PLCG2: variants seen among roughly 807,000 people sequenced by gnomAD.
PLCG2 encodes phospholipase C gamma 2.
PLCG2 carries 69 observed loss-of-function variants against 175.6 expected under a neutral mutation model. The observed-to-expected ratio is 0.39, with a 90% CI of 0.32 to 0.48. The LOEUF (loss-of-function observed/expected upper bound fraction) is 0.48. Among genes scored for constraint, PLCG2 ranks in the 20% least tolerant of loss-of-function variants. The probability of loss-of-function intolerance (pLI) is 0.91; values close to 1 mark genes in which losing one functional copy is unlikely to be tolerated. For missense variants in PLCG2, 1,798 were observed against 1,650.9 expected (o/e 1.09, Z -1.54); for synonymous variants, 827 against 624.0 (o/e 1.33, Z -4.85).
At chr16:81,954,856 G>C (rs981044361) in intron 31 of PLCG2, among the ~76,000 whole-genome samples, 1 of 152,186 alleles carries the variant, frequency 6.6e-6, no homozygotes, top group Non-Finnish European at 1.5e-5. Flanking sequence ...TACATACCCA[G>C]TAATGGGATT....
Position 81,958,842 on chromosome 16 carries a change from G to C in PLCG2, c.*844G>C, listed in dbSNP as rs185667569. ...TTGGTCCACAGCTCTCCACAGGCAA[G>C]AGGTCAACTGCTGCTTGAAAGAGGT... is the stretch of plus-strand genomic sequence containing the variant. On this transcript the variant is annotated 3_prime_UTR_variant, in exon 33 of 33. Coordinates refer to ENST00000564138, the MANE Select transcript of PLCG2 (RefSeq NM_002661.5). The C allele has an allele frequency of 4.5e-6, 1 of 221,498 alleles. No individual in the cohort carries two copies. The highest frequency in any genetic ancestry group is 9.0e-6 in the Non-Finnish European group (1 of 110,712). 13.7% of individuals were successfully genotyped at this position (221,498 alleles called of 1,614,324 possible).
intron 32 of PLCG2, 116 bp downstream of exon 32, chr16:81,956,995 TGGCCGGGCATGGTGGCTCACA>T (rs1911598697): frequency 1.2e-6 from 1 of 820,886 alleles, no homozygotes; most frequent in Admixed American, 2.6e-5. Context: ...CAGAAATCCT[TGGCCGGGCATGGTGGCTCACA>T]GGCCAGGCAT....
At chr16:81,888,903 A>G (rs1287061887) in intron 9 of PLCG2, among the ~76,000 whole-genome samples, 2 of 152,204 alleles carry the variant, frequency 1.3e-5, no homozygotes, top group African/African-American at 2.4e-5. Context: ...TGCTTTTGCA[A>G]CACAACAGCG....
chr16:81,916,181 A>G (rs1315742297), intron 19 of PLCG2, among the ~76,000 whole-genome samples: 1 of 152,166 alleles, frequency 6.6e-6, no homozygotes, highest in East Asian at 1.9e-4. Flanking sequence ...ATCACTGGAA[A>G]TAAACCACTG....
At chr16:81,785,886 T>G in intron 1 of PLCG2, 57 bp from the exon 2 acceptor site, 1 of 1,090,902 alleles carries the variant, frequency 9.2e-7, no homozygotes, top group Non-Finnish European at 1.3e-6. Flanking sequence ...TCATGCCCTG[T>G]TAACTAAACC....
chr16:81,814,578 C>T (rs1200090829), intron 2 of PLCG2, among the ~76,000 whole-genome samples: 1 of 152,092 alleles, frequency 6.6e-6, no homozygotes, highest in Admixed American at 6.6e-5. Flanking sequence ...GCCTGTAATC[C>T]TAGCTACTCG....
intron 2 of PLCG2, among the ~76,000 whole-genome samples, chr16:81,817,319 G>T (rs1450760882): frequency 6.6e-6 from 1 of 152,258 alleles, no homozygotes; most frequent in Non-Finnish European, 1.5e-5. Context: ...CCGTGAGGCA[G>T]TTGTGAAGGT....
chr16:81,752,772 G>C (rs768541848), intron 1 of PLCG2, among the ~76,000 whole-genome samples: 1 of 152,222 alleles, frequency 6.6e-6, no homozygotes, highest in Non-Finnish European at 1.5e-5. Context: ...GGGAAGTGAG[G>C]GCCAGTGCTG....
At position 81,859,285 on chromosome 16, in the gene PLCG2, A is replaced by C. The variant is rs545254533; in HGVS notation, c.479+122A>C. 1.9e-3 allele frequency: 1,292 copies of C among 674,368 alleles called. 15 individuals are homozygous for C. In the Middle Eastern group the frequency reaches 0.036, roughly 19 times the overall value. The allele number at this position is 674,368 out of a possible 1,614,324, so 41.8% of individuals were successfully genotyped here. Reference sequence around the variant, plus strand: ...CAAGGTCCTCACTGCGTCCATTGTGATCTGCGGATGCCATGTTGGGTCCTG... The same window carrying C: ...CAAGGTCCTCACTGCGTCCATTGTGCTCTGCGGATGCCATGTTGGGTCCTG... On this transcript the variant is annotated intron_variant, in intron 5 of 32. Transcript: ENST00000564138.
At chr16:81,861,064 AAAAC>A (rs1906956482) in intron 5 of PLCG2, among the ~76,000 whole-genome samples, 1 of 152,282 alleles carries the variant, frequency 6.6e-6, no homozygotes, top group African/African-American at 2.4e-5. Flanking sequence ...AACCAAAACC[AAAAC>A]CAAACCCTAC....
chr16:81,767,005 T>C (rs890822919), intron 2 of PLCG2: 1 of 152,218 alleles, frequency 6.6e-6, no homozygotes, highest in African/African-American at 2.4e-5. Context: ...CAAGGAACAC[T>C]TGGTGAGCCC....
Position 81,912,683 on chromosome 16 carries a change from G to A in PLCG2, c.2021G>A (p.Arg674Gln). The A allele has an allele frequency of 6.2e-7, 1 of 1,612,208 alleles. No individual in the cohort carries two copies. The highest frequency in any genetic ancestry group is 8.5e-7 in the Non-Finnish European group (1 of 1,179,126). ...PRDGAFLIRK[R>Q]EGSDSYAITF... ...GACGGGGCCTTCCTGATCCGGAAGC[G>A]AGAGGGGAGCGACTCCTATGCCATC... Residue 674 changes from arginine to glutamine, a missense_variant, in exon 19 of 33, where the codon CGA (arginine) becomes CAA (glutamine). By Grantham distance (43) the Arg-to-Gln change is conservative. Transcript: ENST00000564138.
intron 31 of PLCG2, among the ~76,000 whole-genome samples, chr16:81,956,031 G>A (rs963132501): frequency 2.0e-4 from 31 of 152,274 alleles, no homozygotes; most frequent in African/African-American, 7.2e-4. Context: ...CACCCAAAAA[G>A]AAACCTCACG....
intron 30 of PLCG2, among the ~76,000 whole-genome samples, chr16:81,944,878 AAAAGTTTCGTACAATC>A: frequency 6.6e-6 from 1 of 152,306 alleles, no homozygotes; most frequent in Middle Eastern, 3.4e-3. Context: ...ACTGTAGAGT[AAAAGTTTCGTACAATC>A]TAGGTGGTGG....
intron 2 of PLCG2, among the ~76,000 whole-genome samples, chr16:81,831,328 G>T (rs1225915209): frequency 6.6e-6 from 1 of 152,166 alleles, no homozygotes; most frequent in Non-Finnish European, 1.5e-5. Context: ...CCTACTCTTT[G>T]TTGACCTAAT....
intron 7 of PLCG2, among the ~76,000 whole-genome samples, chr16:81,878,245 A>T (rs917052019): frequency 6.6e-6 from 1 of 151,956 alleles, no homozygotes; most frequent in African/African-American, 2.4e-5. Flanking sequence ...CGGCCTCACA[A>T]AGTGCTGGGA....
At chr16:81,834,828 G>T (rs1470306780) in intron 2 of PLCG2, among the ~76,000 whole-genome samples, 1 of 152,188 alleles carries the variant, frequency 6.6e-6, no homozygotes, top group Non-Finnish European at 1.5e-5. Context: ...ATGAGCTGAG[G>T]AGTTTTTATT....
Position 81,844,400 on chromosome 16 carries a change from C to T in PLCG2, c.194-10044C>T, listed in dbSNP as rs112961627. ...GTGTGATCTTGGCTCACTGCAACCT[C>T]TGCACCCCCACAATGGGTTCAAGTG... On this transcript the variant is annotated intron_variant, in intron 2 of 32. Coordinates refer to ENST00000564138, the MANE Select transcript of PLCG2 (RefSeq NM_002661.5). Among the ~76,000 whole-genome samples the T allele has an allele frequency of 3.0e-3, 452 of 152,282 alleles. 2 individuals are homozygous for T. Among genetic ancestry groups the T allele is most frequent in the African/African-American group, 0.01 (429 of 41,550 alleles).
At chr16:81,936,115 G>A in intron 26 of PLCG2, 54 bp from the exon 27 acceptor site, 3 of 1,598,976 alleles carry the variant, frequency 1.9e-6, no homozygotes, top group Non-Finnish European at 2.6e-6. Flanking sequence ...CAAACATTAA[G>A]AAAATGCACA....
Sources: gnomAD v4.1 joint callset for allele counts (sites outside exome capture counted in the v4.1 genomes callset) on GRCh38, gnomAD v4.1.1 for gene constraint, MANE v1.5 for transcripts, NCBI Gene and HGNC (gene_info 2026-07-23, HGNC 2026-07-21) for gene names.